Variants in SLC9A9 observed in about 807,000 individuals in gnomAD.
SLC9A9 encodes the protein solute carrier family 9 member A9, also known as sodium/hydrogen exchanger 9.
A neutral mutation model predicts 77.8 loss-of-function variants in SLC9A9; 62 were observed. That is an observed-to-expected ratio of 0.80 (90% CI 0.65 to 0.98). The LOEUF is 0.98. Ranked by LOEUF, SLC9A9 falls within the 50% of genes least tolerant of loss-of-function variation. SLC9A9 has a pLI of 0.00. For missense variants in SLC9A9, 775 were observed against 774.9 expected, an observed-to-expected ratio of 1.00 and a Z score of 0.00; for synonymous variants, 320 against 283.5, an observed-to-expected ratio of 1.13 and a Z score of -1.29.
At chr3:143,313,157 T>TCA (rs763969054) in intron 14 of SLC9A9, 1 of 152,186 alleles carries the variant, frequency 6.6e-6, no homozygotes, top group African/African-American at 2.4e-5. Context: ...ATGGAGTCCT[T>TCA]CAAGGTAGGT....
chr3:143,422,416 C>A (rs529385439), intron 12 of SLC9A9, among the ~76,000 whole-genome samples: 10 of 152,226 alleles, frequency 6.6e-5, no homozygotes, highest in Admixed American at 2.0e-4. Context: ...TATTATGCAG[C>A]CATAAAAAGA....
intron 11 of SLC9A9, among the ~76,000 whole-genome samples, chr3:143,477,900 C>T (rs1020793201): frequency 1.3e-5 from 2 of 152,188 alleles, no homozygotes; most frequent in Non-Finnish European, 2.9e-5. Context: ...AAATCTCCTT[C>T]GGCTTCCCTA....
chr3:143,838,124 G>A (rs2009615231), intron 1 of SLC9A9, among the ~76,000 whole-genome samples: 1 of 152,166 alleles, frequency 6.6e-6, no homozygotes, highest in South Asian at 2.1e-4. Context: ...AGATAGAAAA[G>A]CCATTGGTTT....
intron 8 of SLC9A9, among the ~76,000 whole-genome samples, chr3:143,556,148 G>A (rs1264236552): frequency 6.6e-6 from 1 of 152,180 alleles, no homozygotes; most frequent in African/African-American, 2.4e-5. Flanking sequence ...TTATCACTAT[G>A]TTTTTATATA....
chr3:143,322,918 A>AAAAAC (rs568418532), intron 14 of SLC9A9, among the ~76,000 whole-genome samples: 13 of 152,350 alleles, frequency 8.5e-5, no homozygotes, highest in Middle Eastern at 3.4e-3. Context: ...ATTTCTCCAA[A>AAAAAC]AAAACAAAAC....
At chr3:143,580,125 C>A (rs1032356644) in intron 6 of SLC9A9, among the ~76,000 whole-genome samples, 1 of 152,162 alleles carries the variant, frequency 6.6e-6, no homozygotes, top group East Asian at 1.9e-4. Context: ...AAACCCACAT[C>A]TGGGTCCTTT....
intron 14 of SLC9A9, among the ~76,000 whole-genome samples, chr3:143,363,153 G>T (rs957352914): frequency 1.3e-5 from 2 of 152,146 alleles, no homozygotes; most frequent in African/African-American, 4.8e-5. Context: ...AATCAAGCAG[G>T]CCTATTTGAC....
rs2009449847 is a variant in SLC9A9, at chr3:143,832,055, G to A, written c.342C>T (p.Asn114=). 5.0e-6 allele frequency: 8 copies of A among 1,612,876 alleles called. No homozygotes were observed. Among genetic ancestry groups the A allele is most frequent in the Non-Finnish European group, 6.8e-6 (8 of 1,179,376 alleles). The stretch of plus-strand genomic sequence containing the variant: ...TAGCATTTCCTTGATGAGGATTGAT[G>A]TTGTGCTGACTTATTTCTCTTTTGT... ...YKYKREISQH[N]INPHQGNAIL... is the part of the protein sequence containing the mutation. Residue 114 remains asparagine (N), a synonymous_variant, in exon 2 of 16, where the codon AAC becomes AAT. Coordinates refer to ENST00000316549, the MANE Select transcript of SLC9A9 (RefSeq NM_173653.4).
chr3:143,285,680 TA>T (rs1202697938), intron 14 of SLC9A9, among the ~76,000 whole-genome samples: 2 of 152,230 alleles, frequency 1.3e-5, no homozygotes, highest in Non-Finnish European at 2.9e-5. Context: ...CAGTTGACAA[TA>T]ACTTGGGAGC....
intron 12 of SLC9A9, among the ~76,000 whole-genome samples, chr3:143,412,668 G>T (rs1373641292): frequency 6.6e-6 from 1 of 152,220 alleles, no homozygotes; most frequent in Non-Finnish European, 1.5e-5. Flanking sequence ...GGAAGCATCA[G>T]TTGGAATTTA....
At chr3:143,767,170 A>G (rs933116735) in intron 4 of SLC9A9, among the ~76,000 whole-genome samples, 1 of 152,140 alleles carries the variant, frequency 6.6e-6, no homozygotes, top group Admixed American at 6.6e-5. Context: ...ACAGAGTGAA[A>G]CAACTGAGGT....
At chr3:143,820,510 T>G (rs2009138643) in intron 2 of SLC9A9, among the ~76,000 whole-genome samples, 1 of 152,196 alleles carries the variant, frequency 6.6e-6, no homozygotes, top group Admixed American at 6.5e-5. Context: ...CTCCAGGCCT[T>G]CTCATTTTCT....
At chr3:143,666,450 C>T (rs1044104704) in intron 5 of SLC9A9, among the ~76,000 whole-genome samples, 2 of 152,174 alleles carry the variant, frequency 1.3e-5, no homozygotes, top group African/African-American at 2.4e-5. Context: ...TCTCTCACCA[C>T]TCCTATTCAA....
At chr3:143,825,852 A>C (rs1197839185) in intron 2 of SLC9A9, among the ~76,000 whole-genome samples, 1 of 152,198 alleles carries the variant, frequency 6.6e-6, no homozygotes, top group Non-Finnish European at 1.5e-5. Context: ...AGACTTTTCC[A>C]GCCAAATGGC....
intron 14 of SLC9A9, among the ~76,000 whole-genome samples, chr3:143,340,374 A>T (rs1339415258): frequency 3.3e-5 from 5 of 152,378 alleles, no homozygotes; most frequent in South Asian, 2.1e-4. Flanking sequence ...CTGAAGGACT[A>T]TTTTGATTAC....
chr3:143,390,590 T>C (rs922925047), intron 12 of SLC9A9, among the ~76,000 whole-genome samples: 3 of 152,148 alleles, frequency 2.0e-5, no homozygotes, highest in Non-Finnish European at 4.4e-5. Flanking sequence ...CTGGGGCTTG[T>C]CGGACAGGGG....
intron 14 of SLC9A9, among the ~76,000 whole-genome samples, chr3:143,281,802 G>T (rs1014424205): frequency 6.6e-6 from 1 of 152,150 alleles, no homozygotes; most frequent in Non-Finnish European, 1.5e-5. Flanking sequence ...CTGCTACTTT[G>T]CTCAAGTGGT....
At chr3:143,460,968 A>G (rs1338000556) in intron 12 of SLC9A9, among the ~76,000 whole-genome samples, 1 of 152,222 alleles carries the variant, frequency 6.6e-6, no homozygotes, top group Non-Finnish European at 1.5e-5. Context: ...GAATAAATCT[A>G]CATTCAAATG....
chr3:143,547,696 T>G (rs540110707), intron 9 of SLC9A9, among the ~76,000 whole-genome samples: 2 of 152,322 alleles, frequency 1.3e-5, no homozygotes, highest in Non-Finnish European at 2.9e-5. Context: ...GTCCCAAATG[T>G]CCACATGGCT....
Sources: allele counts gnomAD v4.1 joint callset (sites outside exome capture counted in the v4.1 genomes callset), GRCh38; gene constraint gnomAD v4.1.1; transcripts MANE v1.5; gene names NCBI Gene and HGNC (gene_info 2026-07-23, HGNC 2026-07-21).